XIRP2: variants seen among roughly 807,000 people sequenced by gnomAD.
XIRP2 encodes xin actin binding repeat containing 2.
In XIRP2, 236 loss-of-function variants were observed where a neutral mutation model predicts 277.0. The observed-to-expected ratio is 0.85, with a 90% CI of 0.77 to 0.95. The LOEUF is 0.95. Among genes scored for constraint, XIRP2 ranks in the 40% least tolerant of loss-of-function variants. XIRP2 has a pLI of 0.00. For missense variants in XIRP2, 4,640 were observed against 4,157.5 expected (o/e 1.12, Z -3.19); for synonymous variants, 1,490 against 1,416.5 (o/e 1.05, Z -1.17).
chr2:167,078,414 A>G (rs989216631), intron 2 of XIRP2, among the ~76,000 whole-genome samples: 14 of 152,148 alleles, frequency 9.2e-5, no homozygotes, highest in African/African-American at 2.2e-4. Context: ...ATTGTCAATG[A>G]GGAGAGATAG....
At chr2:166,896,643 G>A (rs1684251023) in intron 1 of XIRP2, among the ~76,000 whole-genome samples, 1 of 151,980 alleles carries the variant, frequency 6.6e-6, no homozygotes, top group Non-Finnish European at 1.5e-5. Flanking sequence ...CAAAGCTATA[G>A]TAAGTTAAGG....
intron 5 of XIRP2, among the ~76,000 whole-genome samples, chr2:167,227,942 C>T (rs1159248333): frequency 6.6e-6 from 1 of 152,098 alleles, no homozygotes. Flanking sequence ...ATACATCTAA[C>T]GTGTCTTGGG....
At chr2:167,007,923 A>G (rs1687551090) in intron 2 of XIRP2, among the ~76,000 whole-genome samples, 1 of 151,564 alleles carries the variant, frequency 6.6e-6, no homozygotes, top group African/African-American at 2.4e-5. Context: ...ATTTTATAAT[A>G]TTTGTGGTAT....
intron 2 of XIRP2, among the ~76,000 whole-genome samples, chr2:166,939,620 C>T (rs1241993751): frequency 1.1e-4 from 15 of 131,720 alleles, no homozygotes; most frequent in African/African-American, 4.2e-4. Flanking sequence ...GTGGAGCTTT[C>T]AGTGAGCCGA....
chr2:166,921,306 T>C (rs939357926), intron 2 of XIRP2, among the ~76,000 whole-genome samples: 1 of 152,118 alleles, frequency 6.6e-6, no homozygotes, highest in Non-Finnish European at 1.5e-5. Context: ...CCAAAGTCGT[T>C]GTACTCTTTT....
intron 3 of XIRP2, among the ~76,000 whole-genome samples, chr2:167,205,310 G>T (rs941478096): frequency 6.6e-6 from 1 of 152,076 alleles, no homozygotes; most frequent in African/African-American, 2.4e-5. Context: ...TAGTGAGAAT[G>T]AATATAAATA....
intron 2 of XIRP2, among the ~76,000 whole-genome samples, chr2:166,905,496 C>A (rs1684493293): frequency 6.6e-6 from 1 of 151,728 alleles, no homozygotes; most frequent in Non-Finnish European, 1.5e-5. Context: ...CATCTAGTAA[C>A]TATAAAAATA....
At position 167,249,407 on chromosome 2, in the gene XIRP2, C is replaced by T. The variant is rs749069570; in HGVS notation, c.8015C>T (p.Ala2672Val). The T allele has an allele frequency of 1.2e-6, 2 of 1,613,756 alleles. No homozygotes were observed. The highest frequency in any genetic ancestry group is 2.2e-5 in the South Asian group (2 of 91,074). The change falls in exon 9 of 11, where the codon GCT becomes GTT. Residue 2672 changes from alanine to valine, a missense_variant. Ala to Val is a moderately conservative substitution (Grantham distance 64). Coordinates refer to ENST00000409195, the MANE Select transcript of XIRP2 (RefSeq NM_152381.6). ...AGGGACATTATGCAATCCAAATCAGCTTGCGAAATTAAACAAAGTCACCAA... is the reference window on the plus strand; with the variant it reads ...AGGGACATTATGCAATCCAAATCAGTTTGCGAAATTAAACAAAGTCACCAA... ...SSRDIMQSKS[A>V]CEIKQSHQEC...
chr2:167,086,077 G>T lies in XIRP2; in HGVS notation c.409-49832G>T, dbSNP rs548221651. Among the ~76,000 whole-genome samples the T allele has an allele frequency of 7.2e-5, 11 of 152,062 alleles. No homozygotes were observed. In the South Asian group the frequency reaches 1.2e-3, roughly 17 times the overall value. On this transcript the variant is annotated intron_variant, in intron 2 of 10. Transcript: ENST00000409195. The stretch of plus-strand genomic sequence containing the variant: ...TTTTGGCATGATTTTGCAGCAGCTG[G>T]TACCGGTTGTTCCTTTCCATGTTTA...
chr2:166,972,038 G>A (rs1006982036), intron 2 of XIRP2, among the ~76,000 whole-genome samples: 2 of 152,092 alleles, frequency 1.3e-5, no homozygotes, highest in African/African-American at 4.8e-5. Flanking sequence ...AGGATATTTA[G>A]AGGTAGAACC....
chr2:167,121,891 T>C (rs546758484), intron 2 of XIRP2, among the ~76,000 whole-genome samples: 5 of 152,256 alleles, frequency 3.3e-5, no homozygotes, highest in South Asian at 4.1e-4. Flanking sequence ...CAGCAAGTCA[T>C]ATGAACGTGA....
chr2:167,008,225 C>G (rs1687559534), intron 2 of XIRP2, among the ~76,000 whole-genome samples: 2 of 151,490 alleles, frequency 1.3e-5, no homozygotes, highest in African/African-American at 4.8e-5. Flanking sequence ...AGAGATCAAA[C>G]AAAACAAAAT....
At chr2:166,977,304 T>A (rs1378153567) in intron 2 of XIRP2, among the ~76,000 whole-genome samples, 1 of 152,204 alleles carries the variant, frequency 6.6e-6, no homozygotes, top group Non-Finnish European at 1.5e-5. Context: ...TTCTTCAATA[T>A]TTTTTCTAAC....
At chr2:167,162,845 A>G (rs1692411751) in intron 3 of XIRP2, among the ~76,000 whole-genome samples, 2 of 152,186 alleles carry the variant, frequency 1.3e-5, no homozygotes, top group African/African-American at 4.8e-5. Context: ...GAAGTCCAGA[A>G]GTAACCACAA....
chr2:167,022,130 A>C (rs551977306), intron 2 of XIRP2, among the ~76,000 whole-genome samples: 5 of 152,240 alleles, frequency 3.3e-5, no homozygotes, highest in African/African-American at 1.2e-4. Flanking sequence ...GTTTTAATAT[A>C]TCTCCTTTTT....
chr2:166,994,540 G>A (rs1444802305), intron 2 of XIRP2, among the ~76,000 whole-genome samples: 2 of 146,522 alleles, frequency 1.4e-5, no homozygotes, highest in African/African-American at 5.1e-5. Context: ...TGTAGGTAAG[G>A]CTTCCAATAC....
At chr2:167,127,301 G>T (rs966105241) in intron 2 of XIRP2, among the ~76,000 whole-genome samples, 5 of 151,746 alleles carry the variant, frequency 3.3e-5, no homozygotes, top group African/African-American at 1.2e-4. Flanking sequence ...GTAGAGTTGT[G>T]CATCTATCAT....
intron 2 of XIRP2, among the ~76,000 whole-genome samples, chr2:166,915,164 G>A (rs1244104463): frequency 6.6e-6 from 1 of 151,284 alleles, no homozygotes; most frequent in African/African-American, 2.4e-5. Flanking sequence ...AGCCAGGTGT[G>A]GTGGTGGGCG....
chr2:167,136,746 A>G (rs1691563876), intron 3 of XIRP2, among the ~76,000 whole-genome samples: 2 of 152,194 alleles, frequency 1.3e-5, no homozygotes, highest in Non-Finnish European at 2.9e-5. Context: ...CTCTTTAGCC[A>G]AATAATGTCT....
Sources: gnomAD v4.1 joint callset for allele counts (sites outside exome capture counted in the v4.1 genomes callset) on GRCh38, gnomAD v4.1.1 for gene constraint, MANE v1.5 for transcripts, NCBI Gene and HGNC (gene_info 2026-07-23, HGNC 2026-07-21) for gene names.